SEMA6D: variants seen among roughly 807,000 people sequenced by gnomAD.
SEMA6D encodes the protein semaphorin-6D.
Under a neutral mutation model 106.6 loss-of-function variants are expected in SEMA6D, and 35 were observed. The ratio of observed to expected loss-of-function variants is 0.33; its 90% CI spans 0.25 to 0.44. The LOEUF (loss-of-function observed/expected upper bound fraction) is 0.44, where lower values mean the gene tolerates loss of function less well. SEMA6D is among the 20% of genes least tolerant of loss of function. The probability of loss-of-function intolerance (pLI) is 1.00; values close to 1 mark genes in which losing one functional copy is unlikely to be tolerated. For synonymous variants in SEMA6D, 499 were observed against 487.7 expected (o/e 1.02, Z -0.31); for missense variants, 1,185 against 1,345.9 (o/e 0.88, Z 1.87).
intron 1 of SEMA6D, among the ~76,000 whole-genome samples, chr15:47,318,610 T>C (rs959855343): frequency 1.4e-5 from 2 of 145,688 alleles, no homozygotes; most frequent in East Asian, 2.0e-4. Context: ...TCATTTTTTA[T>C]GGCTGCATAG....
intron 3 of SEMA6D, among the ~76,000 whole-genome samples, chr15:47,514,879 C>CAG (rs776215922): frequency 2.6e-5 from 4 of 152,214 alleles, no homozygotes; most frequent in Non-Finnish European, 4.4e-5. Flanking sequence ...ATTAGAGATA[C>CAG]AGAAGCTCAG....
intron 1 of SEMA6D, among the ~76,000 whole-genome samples, chr15:47,218,339 C>A (rs2030863659): frequency 6.6e-6 from 1 of 152,194 alleles, no homozygotes; most frequent in African/African-American, 2.4e-5. Context: ...TCTTCTACCA[C>A]ATGAGGCTCT....
intron 3 of SEMA6D, among the ~76,000 whole-genome samples, chr15:47,552,018 A>G (rs192681195): frequency 1.5e-3 from 229 of 151,232 alleles, no homozygotes; most frequent in African/African-American, 5.2e-3. Flanking sequence ...GGCTTGTGGG[A>G]CTCCAGCCCA....
intron 1 of SEMA6D, among the ~76,000 whole-genome samples, chr15:47,305,189 CTT>C: frequency 6.6e-6 from 1 of 152,268 alleles, no homozygotes; most frequent in Non-Finnish European, 1.5e-5. Context: ...ATTATTATGT[CTT>C]TTAAAATTTG....
At chr15:47,268,840 T>A (rs2034436524) in intron 1 of SEMA6D, among the ~76,000 whole-genome samples, 1 of 152,172 alleles carries the variant, frequency 6.6e-6, no homozygotes, top group Admixed American at 6.6e-5. Context: ...TGAGTAATTA[T>A]GTCTCAAGAT....
intron 1 of SEMA6D, among the ~76,000 whole-genome samples, chr15:47,266,105 C>T (rs905071951): frequency 5.3e-5 from 8 of 152,098 alleles, no homozygotes; most frequent in African/African-American, 1.9e-4. Flanking sequence ...TGGATCTGAT[C>T]CCAGCAGGGC....
At chr15:47,686,054 A>G (rs530407307) in intron 4 of SEMA6D, among the ~76,000 whole-genome samples, 7 of 152,246 alleles carry the variant, frequency 4.6e-5, no homozygotes, top group African/African-American at 7.2e-5. Context: ...TCAGGTGGGG[A>G]AAAAAATGAG....
intron 4 of SEMA6D, among the ~76,000 whole-genome samples, chr15:47,632,671 A>G (rs2077314018): frequency 6.6e-6 from 1 of 151,990 alleles, no homozygotes; most frequent in Admixed American, 6.6e-5. Context: ...ATTGAGTTTG[A>G]AGTGAGTTTC....
At chr15:47,418,535 A>T (rs983344264) in intron 2 of SEMA6D, among the ~76,000 whole-genome samples, 9 of 152,040 alleles carry the variant, frequency 5.9e-5, no homozygotes, top group African/African-American at 1.2e-4. Flanking sequence ...TGGGATTTTT[A>T]AAATTGCAAT....
chr15:47,354,178 TC>T (rs1249398637), intron 1 of SEMA6D, among the ~76,000 whole-genome samples: 1 of 30,026 alleles, frequency 3.3e-5, no homozygotes, highest in Non-Finnish European at 7.9e-5. Flanking sequence ...TGAGAAAGCC[TC>T]TCTCTCTCTC....
chr15:47,470,743 A>G (rs889349449), intron 3 of SEMA6D, among the ~76,000 whole-genome samples: 4 of 151,928 alleles, frequency 2.6e-5, no homozygotes, highest in Non-Finnish European at 4.4e-5. Flanking sequence ...TCTTGATTTA[A>G]TACAGCTCAA....
At chr15:47,347,582 C>CTGTTTTT (rs3050503) in intron 1 of SEMA6D, among the ~76,000 whole-genome samples, 3 of 151,226 alleles carry the variant, frequency 2.0e-5, no homozygotes, top group South Asian at 2.1e-4. Context: ...GCTTTATTCT[C>CTGTTTTT]TGTTTTTTGT....
chr15:47,344,051 A>G (rs973478973), intron 1 of SEMA6D, among the ~76,000 whole-genome samples: 8 of 152,222 alleles, frequency 5.3e-5, no homozygotes, highest in African/African-American at 1.7e-4. Context: ...CACACCAGTT[A>G]GAATGGCGAT....
chr15:47,452,428 C>G (rs1276985828), intron 2 of SEMA6D, among the ~76,000 whole-genome samples: 1 of 151,418 alleles, frequency 6.6e-6, no homozygotes, highest in Non-Finnish European at 1.5e-5. Flanking sequence ...TTTCTAAGCT[C>G]CAGTTTATAT....
At chr15:47,399,258 C>T (rs1303401344) in intron 1 of SEMA6D, 3 of 152,188 alleles carry the variant, frequency 2.0e-5, no homozygotes, top group Admixed American at 6.5e-5. Flanking sequence ...TTGCAGGCCT[C>T]AAACCCACAG....
At chr15:47,722,469 T>C (rs944359167) in intron 1 of SEMA6D, among the ~76,000 whole-genome samples, 1 of 152,214 alleles carries the variant, frequency 6.6e-6, no homozygotes, top group Non-Finnish European at 1.5e-5. Context: ...TTTTTTTTGT[T>C]TTGTTTTCTT....
At chr15:47,597,230 C>A (rs752505826) in intron 3 of SEMA6D, among the ~76,000 whole-genome samples, 1 of 151,796 alleles carries the variant, frequency 6.6e-6, no homozygotes, top group African/African-American at 2.4e-5. Flanking sequence ...CAAATATTGG[C>A]GAGGATGGGG....
chr15:47,232,547 G>A (rs952084696), intron 1 of SEMA6D, among the ~76,000 whole-genome samples: 2 of 151,756 alleles, frequency 1.3e-5, no homozygotes, highest in African/African-American at 4.8e-5. Flanking sequence ...GTGTGTGTGT[G>A]TGTGTGTGTA....
At chr15:47,285,234 C>G (rs955139551) in intron 1 of SEMA6D, among the ~76,000 whole-genome samples, 1 of 151,686 alleles carries the variant, frequency 6.6e-6, no homozygotes, top group Non-Finnish European at 1.5e-5. Context: ...CTTTCCCCCA[C>G]TCTGTCTCTC....
Sources: gnomAD v4.1 joint callset for allele counts (sites outside exome capture counted in the v4.1 genomes callset) on GRCh38, gnomAD v4.1.1 for gene constraint, MANE v1.5 for transcripts, NCBI Gene and HGNC (gene_info 2026-07-23, HGNC 2026-07-21) for gene names.